GGACT: variants seen among roughly 807,000 people sequenced by gnomAD.
GGACT encodes the protein gamma-glutamylaminecyclotransferase.
For synonymous variants in GGACT, 118 were observed against 115.3 expected (o/e 1.02, Z -0.15); for missense variants, 241 against 233.2 (o/e 1.03, Z -0.22).
chr13:100,547,315 A>G (rs2088616517), intron 2 of GGACT, among the ~76,000 whole-genome samples: 1 of 152,206 alleles, frequency 6.6e-6, no homozygotes, highest in African/African-American at 2.4e-5. Flanking sequence ...GGGGTGGGGT[A>G]CTTGCTGCCG....
At chr13:100,575,728 C>T (rs562440785) in intron 2 of GGACT, among the ~76,000 whole-genome samples, 2 of 152,324 alleles carry the variant, frequency 1.3e-5, no homozygotes, top group African/African-American at 4.8e-5. Context: ...TATGCCATTG[C>T]ACTCCAGCCT....
At position 100,530,191 on chromosome 13, in the gene GGACT, A is replaced by AC; in HGVS notation, c.*1938dup. 6.3e-7 allele frequency: 1 copy of AC among 1,580,650 alleles called. No individual in the cohort carries two copies. The highest frequency in any genetic ancestry group is 8.7e-7 in the Non-Finnish European group (1 of 1,149,776). On this transcript the variant is annotated 3_prime_UTR_variant, in exon 3 of 3. Transcript: ENST00000683975. ...AAGGATTTATAACCTTTCAGTCATC[A>AC]CCCAATTTAATTAGCCATTTGCATG...
intron 2 of GGACT, among the ~76,000 whole-genome samples, chr13:100,554,999 CAAG>C (rs1566533869): frequency 1.3e-5 from 2 of 152,288 alleles, no homozygotes; most frequent in South Asian, 2.1e-4. Context: ...AAAGCTCACT[CAAG>C]AAGAAGTAGA....
chr13:100,537,403 G>A (rs1170022119), intron 2 of GGACT: 1 of 152,362 alleles, frequency 6.6e-6, no homozygotes, highest in East Asian at 1.9e-4. Context: ...GGGATGGCTG[G>A]TGATAGCTGA....
chr13:100,532,677 C>T (rs1415756664), intron 2 of GGACT, 76 bp from the exon 3 acceptor site: 1 of 1,213,488 alleles, frequency 8.2e-7, no homozygotes, highest in East Asian at 2.6e-5. Context: ...GGCTCCCGGC[C>T]CACAGAGCCT....
At chr13:100,580,061 G>A (rs535079390) in intron 2 of GGACT, 2 of 152,204 alleles carry the variant, frequency 1.3e-5, no homozygotes, top group South Asian at 2.1e-4. Context: ...GGTCTGCCTC[G>A]GTGTATAAGA....
intron 2 of GGACT, among the ~76,000 whole-genome samples, chr13:100,575,490 A>G (rs890018866): frequency 1.3e-5 from 2 of 152,196 alleles, no homozygotes; most frequent in African/African-American, 4.8e-5. Flanking sequence ...TTTAATAAGG[A>G]AAAAGGTATT....
intron 2 of GGACT, chr13:100,538,185 C>CCCGA (rs1271642656): frequency 1.6e-4 from 24 of 152,194 alleles, no homozygotes; most frequent in African/African-American, 5.3e-4. Flanking sequence ...TGAGAGGCAG[C>CCCGA]AGCAGGAACT....
At chr13:100,548,850 G>A (rs2088631851) in intron 2 of GGACT, among the ~76,000 whole-genome samples, 1 of 152,234 alleles carries the variant, frequency 6.6e-6, no homozygotes, top group African/African-American at 2.4e-5. Flanking sequence ...GCACATCCAG[G>A]GGACACAGGG....
At chr13:100,562,583 G>A (rs1009301289) in intron 2 of GGACT, among the ~76,000 whole-genome samples, 8 of 152,068 alleles carry the variant, frequency 5.3e-5, no homozygotes, top group Admixed American at 5.2e-4. Flanking sequence ...ATCACCTGAG[G>A]TCACGAGTTT....
intron 2 of GGACT, among the ~76,000 whole-genome samples, chr13:100,543,516 C>T (rs2088574488): frequency 1.3e-5 from 2 of 152,022 alleles, no homozygotes; most frequent in Non-Finnish European, 2.9e-5. Context: ...ACACCAGCTT[C>T]TAACATAAAA....
At position 100,531,908 on chromosome 13, in the gene GGACT, A is replaced by G. The variant is rs2088394027; in HGVS notation, c.*222T>C. 3 of 420,412 alleles carry G rather than the reference A, an allele frequency of 7.1e-6. No individual in the cohort carries two copies. The highest frequency in any genetic ancestry group is 7.8e-5 in the Admixed American group (2 of 25,626). The allele number at this position is 420,412 out of a possible 1,614,324, so 26.0% of individuals were successfully genotyped here. On this transcript the variant is annotated 3_prime_UTR_variant, in exon 3 of 3. Coordinates refer to ENST00000683975, the MANE Select transcript of GGACT (RefSeq NM_001195087.2). ...TCTCTAAATGTCATTTAGGGGAGTT[A>G]AAATCCTAAATTTTTCTTACCAGGT...
At position 100,532,201 on chromosome 13, in the gene GGACT, G is replaced by C. The variant is rs530900700; in HGVS notation, c.391C>G (p.Leu131Val). ...GAGTCGTAGCTGTCATGGTGCGGGA[G>C]CTGGGCCCACTCCGGCGGGAAGGTG... ...RATFPPEWAQ[L>V]PHHDSYDSEG... Residue 131 changes from leucine to valine, a missense_variant, in exon 3 of 3, where the codon CTC becomes GTC. Coordinates refer to ENST00000683975, the MANE Select transcript of GGACT (RefSeq NM_001195087.2). 5.6e-5 allele frequency: 83 copies of C among 1,479,444 alleles called. No individual in the cohort carries two copies. Among genetic ancestry groups the C allele is most frequent in the Non-Finnish European group, 7.1e-5 (79 of 1,107,746 alleles). 91.6% of individuals were successfully genotyped at this position (1,479,444 alleles called of 1,614,324 possible).
rs1262169473 is a variant in GGACT at position 100,545,380 on chromosome 13, C to T, written c.-10-12779G>A. On this transcript the variant is annotated intron_variant, in intron 2 of 2. Coordinates refer to ENST00000683975, the MANE Select transcript of GGACT (RefSeq NM_001195087.2). This position sits in a 1 kb window ranked among gnomAD's most constrained non-coding sequence, Gnocchi z 4.4. ...GCGACCCAGGCAAGGGCAGCAGAGC[C>T]TTCACGTCCCTTCCTGACCTCCTTC... Among the ~76,000 whole-genome samples, 1 of 152,198 alleles carries T rather than the reference C, an allele frequency of 6.6e-6. No individual in the cohort carries two copies. Among genetic ancestry groups the T allele is most frequent in the Non-Finnish European group, 1.5e-5 (1 of 68,026 alleles).
At chr13:100,581,370 TAAAC>T (rs1875411769) in intron 2 of GGACT, among the ~76,000 whole-genome samples, 1 of 151,752 alleles carries the variant, frequency 6.6e-6, no homozygotes, top group East Asian at 1.9e-4. Context: ...TGCTCAAAAA[TAAAC>T]AAACCCACCA....
intron 2 of GGACT, among the ~76,000 whole-genome samples, chr13:100,554,159 G>C (rs761606128): frequency 2.2e-4 from 33 of 152,186 alleles, no homozygotes; most frequent in Non-Finnish European, 4.0e-4. Flanking sequence ...ACTGGACACA[G>C]AAACCAGATA....
chr13:100,561,314 G>A (rs751339723), intron 2 of GGACT, among the ~76,000 whole-genome samples: 4 of 152,118 alleles, frequency 2.6e-5, no homozygotes, highest in Non-Finnish European at 4.4e-5. Flanking sequence ...TGGTAATGGT[G>A]GTGAACTGTA....
intron 1 of GGACT, chr13:100,587,243 G>C (rs559248756): frequency 1.8e-4 from 27 of 152,314 alleles, no homozygotes; most frequent in African/African-American, 5.3e-4. Context: ...CTAGTAAAGA[G>C]AGAAATGAAC....
intron 1 of GGACT, among the ~76,000 whole-genome samples, chr13:100,588,010 G>A (rs1022477274): frequency 4.6e-5 from 7 of 152,186 alleles, no homozygotes; most frequent in East Asian, 1.9e-4. Flanking sequence ...TGGGCAACAG[G>A]GCAAGACTTC....
Sources: gnomAD v4.1 joint callset for allele counts (sites outside exome capture counted in the v4.1 genomes callset) on GRCh38, gnomAD v4.1.1 for gene constraint, Gnocchi (gnomAD v3.1) non-coding constraint, MANE v1.5 for transcripts, NCBI Gene and HGNC (gene_info 2026-07-23, HGNC 2026-07-21) for gene names.